Variants in PRORP observed in about 807,000 individuals in gnomAD.
PRORP encodes protein only RNase P catalytic subunit, also known as mitochondrial ribonuclease P catalytic subunit.
PRORP carries 51 observed loss-of-function variants against 59.4 expected under a neutral mutation model. The observed-to-expected ratio is 0.86, with a 90% CI of 0.69 to 1.08. The LOEUF is 1.08. Among genes scored for constraint, PRORP ranks in the 50% least tolerant of loss-of-function variants. PRORP has a pLI of 0.00. For missense variants in PRORP, 646 were observed against 690.3 expected, an observed-to-expected ratio of 0.94 and a Z score of 0.72; for synonymous variants, 231 against 245.6, an observed-to-expected ratio of 0.94 and a Z score of 0.55.
intron 4 of PRORP, among the ~76,000 whole-genome samples, chr14:35,146,385 A>T (rs568961106): frequency 3.9e-4 from 60 of 152,320 alleles, no homozygotes; most frequent in Non-Finnish European, 7.5e-4. Flanking sequence ...TTAAGACAGG[A>T]CATATGACCC....
intron 5 of PRORP, chr14:35,235,711 C>T (rs1595358775): frequency 3.0e-6 from 1 of 331,558 alleles, no homozygotes; most frequent in East Asian, 7.3e-5. Context: ...CAATGCTAGA[C>T]ACTTGTATAT....
chr14:35,235,804 G>C (rs1201347249), intron 5 of PRORP, among the ~76,000 whole-genome samples: 1 of 152,042 alleles, frequency 6.6e-6, no homozygotes, highest in East Asian at 1.9e-4. Context: ...GGTGGCTCAT[G>C]CCTGTGATCC....
chr14:35,215,134 G>C (rs1376923821), intron 5 of PRORP, among the ~76,000 whole-genome samples: 3 of 151,926 alleles, frequency 2.0e-5, no homozygotes, highest in Non-Finnish European at 2.9e-5. Context: ...TCAAACCCCA[G>C]TTTCCTTATT....
rs774226722 is a variant in PRORP, at chr14:35,123,748, A to G, written c.503A>G (p.Lys168Arg). ...TCTCTGCTGGCATGGGTAGCAGCCA[A>G]AAATAATGGTATTGTAAGTTACGAT... The part of the protein sequence containing the change: ...AKSLLAWVAA[K>R]NNGIVSYDLL... Residue 168 changes from lysine (K) to arginine (R), a missense_variant, in exon 2 of 8, where the codon AAA becomes AGA. Lys to Arg is a conservative substitution (Grantham distance 26). Transcript: ENST00000534898. The G allele has an allele frequency of 3.7e-6, 6 of 1,614,258 alleles. No individual in the cohort carries two copies. The highest frequency in any genetic ancestry group is 2.2e-5 in the East Asian group (1 of 44,888).
At chr14:35,257,347 C>A (rs2050787626) in intron 5 of PRORP, among the ~76,000 whole-genome samples, 1 of 152,188 alleles carries the variant, frequency 6.6e-6, no homozygotes, top group South Asian at 2.1e-4. Context: ...ATCCGTTAAA[C>A]AATAGCTCCT....
At chr14:35,129,232 GTTGT>G (rs1459040241) in intron 4 of PRORP, among the ~76,000 whole-genome samples, 2 of 151,876 alleles carry the variant, frequency 1.3e-5, no homozygotes, top group African/African-American at 2.4e-5. Context: ...GCATATTTAG[GTTGT>G]TTATTTTAAG....
At position 35,274,339 on chromosome 14, in the gene PRORP, A is replaced by G. The variant is rs2051269270; in HGVS notation, c.*773A>G. Reference sequence around the variant, plus strand: ...AATTTTTTTTTTTTTTTTTGTAGAGATGGCTGTCTCACTCTGTTGACAAGA... The same window carrying G: ...AATTTTTTTTTTTTTTTTTGTAGAGGTGGCTGTCTCACTCTGTTGACAAGA... On this transcript the variant is annotated 3_prime_UTR_variant, in exon 8 of 8. Coordinates refer to ENST00000534898, the MANE Select transcript of PRORP (RefSeq NM_014672.4). 1 of 142,332 alleles carries G rather than the reference A, an allele frequency of 7.0e-6. No individual in the cohort carries two copies. The highest frequency in any genetic ancestry group is 1.5e-5 in the Non-Finnish European group (1 of 65,680). 8.8% of individuals were successfully genotyped at this position (142,332 alleles called of 1,614,324 possible).
intron 5 of PRORP, among the ~76,000 whole-genome samples, chr14:35,252,446 C>CA (rs1256614163): frequency 2.0e-5 from 3 of 152,052 alleles, no homozygotes; most frequent in African/African-American, 4.8e-5. Flanking sequence ...AACAAACAAA[C>CA]AAAAAAACAA....
intron 4 of PRORP, among the ~76,000 whole-genome samples, chr14:35,129,389 C>T (rs1000913106): frequency 1.5e-4 from 23 of 151,360 alleles, no homozygotes; most frequent in African/African-American, 5.6e-4. Flanking sequence ...TTATTTTTTC[C>T]TTCCTTTCTT....
In PRORP at chr14:35,168,326, A is replaced by G. The variant is rs150513860; in HGVS notation, c.1168-12344A>G. 3.8e-3 allele frequency among the ~76,000 whole-genome samples: 580 copies of G among 152,218 alleles called. 27 individuals are homozygous for G. The highest frequency in any genetic ancestry group is 0.036 in the Admixed American group (548 of 15,284). On this transcript the variant is annotated intron_variant, in intron 4 of 7. Coordinates refer to ENST00000534898, the MANE Select transcript of PRORP (RefSeq NM_014672.4). ...AGTGGGTGTATAATGATTTCTTGCT[A>G]TGGTTTTAAATTTGCGTTTTCCTAA...
chr14:35,240,555 A>G (rs185232775), intron 5 of PRORP, among the ~76,000 whole-genome samples: 1 of 152,332 alleles, frequency 6.6e-6, no homozygotes, highest in Admixed American at 6.5e-5. Flanking sequence ...TCAAGTAAAC[A>G]TCCTTGGACT....
intron 5 of PRORP, among the ~76,000 whole-genome samples, chr14:35,211,707 G>A (rs1201734652): frequency 1.3e-5 from 2 of 152,176 alleles, no homozygotes; most frequent in Non-Finnish European, 2.9e-5. Flanking sequence ...TAAATCATCT[G>A]AGCCTTCAGG....
chr14:35,181,441 T>C (rs1334318086), intron 5 of PRORP, among the ~76,000 whole-genome samples: 2 of 152,218 alleles, frequency 1.3e-5, no homozygotes, highest in Non-Finnish European at 2.9e-5. Flanking sequence ...GTGGCTCTTA[T>C]CATTGGCAAT....
intron 4 of PRORP, among the ~76,000 whole-genome samples, chr14:35,172,017 T>C (rs1354000465): frequency 6.6e-6 from 1 of 151,910 alleles, no homozygotes; most frequent in Non-Finnish European, 1.5e-5. Context: ...GGAGATTTTC[T>C]TTCTTTGCAT....
intron 5 of PRORP, among the ~76,000 whole-genome samples, chr14:35,253,399 AGAAGG>A (rs1355997598): frequency 3.6e-5 from 5 of 136,998 alleles, no homozygotes; most frequent in Admixed American, 2.2e-4. Flanking sequence ...AAAGAAAGAA[AGAAGG>A]AAAGAAAGAA....
Position 35,180,652 on chromosome 14 carries a change from C to T in PRORP, c.1168-18C>T, listed in dbSNP as rs368620353. The T allele has an allele frequency of 1.2e-4, 175 of 1,478,102 alleles. No homozygotes were observed. Among genetic ancestry groups the T allele is most frequent in the Non-Finnish European group, 4.1e-5 (44 of 1,060,488 alleles). 91.6% of individuals were successfully genotyped at this position (1,478,102 alleles called of 1,614,324 possible). A position where few individuals can be genotyped will look rare whatever the true frequency, so the allele number is the denominator to read the frequency against. On this transcript the variant is annotated intron_variant, in intron 4 of 7. Transcript: ENST00000534898. ...TACTGAGTTCTTATTAATGTTTTGT[C>T]TGACATTTCTTTATTAGGAACTTAA...
chr14:35,136,083 C>T (rs780974317), intron 4 of PRORP, among the ~76,000 whole-genome samples: 11 of 151,946 alleles, frequency 7.2e-5, no homozygotes, highest in Admixed American at 3.3e-4. Flanking sequence ...TTGAGTCAGA[C>T]GGCTGCTGAG....
At chr14:35,167,367 CCTCTA>C (rs1248212578) in intron 4 of PRORP, among the ~76,000 whole-genome samples, 2 of 152,080 alleles carry the variant, frequency 1.3e-5, no homozygotes, top group Non-Finnish European at 2.9e-5. Flanking sequence ...CTTTGAGTCA[CCTCTA>C]CTCTTTTTTG....
chr14:35,159,011 G>A, intron 4 of PRORP: 1 of 328,004 alleles, frequency 3.0e-6, no homozygotes, highest in Non-Finnish European at 5.9e-6. Flanking sequence ...CATCATTCCA[G>A]TCGTCCAGAT....
Sources: allele counts gnomAD v4.1 joint callset (sites outside exome capture counted in the v4.1 genomes callset), GRCh38; gene constraint gnomAD v4.1.1; transcripts MANE v1.5; gene names NCBI Gene and HGNC (gene_info 2026-07-23, HGNC 2026-07-21).